The following PLCZ1 variants were observed in gnomAD, a reference collection of about 807,000 sequenced individuals.
The protein encoded by PLCZ1 is phospholipase C zeta 1.
Under a neutral mutation model 76.8 loss-of-function variants are expected in PLCZ1, and 64 were observed. That is an observed-to-expected ratio of 0.83 (90% CI 0.68 to 1.03). The LOEUF is 1.03. Ranked by LOEUF, PLCZ1 falls within the 50% of genes least tolerant of loss-of-function variation. PLCZ1 has a pLI of 0.00. For synonymous variants in PLCZ1, 248 were observed against 230.8 expected (o/e 1.07, Z -0.68); for missense variants, 751 against 713.7 (o/e 1.05, Z -0.60).
chr12:18,650,706 A>ATC, the PLCZ1 span, among the ~76,000 whole-genome samples: 6 of 8,360 alleles, frequency 7.2e-4, no homozygotes, highest in African/African-American at 2.4e-3. Flanking sequence ...GTGTGTGTGT[A>ATC]TATATCTATA....
chr12:18,651,793 C>T, the PLCZ1 span, among the ~76,000 whole-genome samples: 3 of 152,118 alleles, frequency 2.0e-5, no homozygotes, highest in African/African-American at 4.8e-5. Flanking sequence ...ATATGAATGT[C>T]GCTGGAATGT....
intron 7 of PLCZ1, among the ~76,000 whole-genome samples, chr12:18,704,621 C>G (rs78374173): frequency 0.01 from 1,537 of 151,908 alleles, 26 homozygotes; most frequent in African/African-American, 0.035. Flanking sequence ...GTCACTGCAC[C>G]GGGCCATAGA....
At chr12:18,704,962 T>A (rs191774291) in intron 7 of PLCZ1, among the ~76,000 whole-genome samples, 1 of 152,142 alleles carries the variant, frequency 6.6e-6, no homozygotes. Context: ...GTTGTATGTA[T>A]ATATATATAA....
chr12:18,735,680 T>C (rs1959204664), intron 3 of PLCZ1: 1 of 152,776 alleles, frequency 6.5e-6, no homozygotes, highest in Admixed American at 6.5e-5. Context: ...TCTATGTGTT[T>C]TTCATTTTTG....
intron 13 of PLCZ1, among the ~76,000 whole-genome samples, chr12:18,686,652 T>G (rs1020579859): frequency 8.5e-5 from 13 of 152,214 alleles, no homozygotes; most frequent in Admixed American, 3.3e-4. Context: ...AAGTGCCCCC[T>G]TGGAGTACAA....
At chr12:18,679,550 T>C (rs1399704710), downstream of PLCZ1, among the ~76,000 whole-genome samples, 1 of 152,000 alleles carries the variant, frequency 6.6e-6, no homozygotes, top group Non-Finnish European at 1.5e-5. Flanking sequence ...CTGTAAACCA[T>C]AGGCAATGTT....
intron 10 of PLCZ1, among the ~76,000 whole-genome samples, chr12:18,698,629 CA>C (rs1955456067): frequency 6.6e-6 from 1 of 152,018 alleles, no homozygotes; most frequent in African/African-American, 2.4e-5. Flanking sequence ...TGGTAGATTG[CA>C]TTTTTTTAAC....
intron 3 of PLCZ1, among the ~76,000 whole-genome samples, chr12:18,724,054 G>T (rs1459039280): frequency 6.6e-6 from 1 of 152,060 alleles, no homozygotes; most frequent in Non-Finnish European, 1.5e-5. Flanking sequence ...AGAAAGAGTG[G>T]ATTCGAAAGG....
rs71440372 is a variant in PLCZ1 at position 18,696,322 on chromosome 12, CTATA to C, written c.1175-60_1175-57del. ...GAATTCAAATAAATTTAAAAAGCCACTATATATATATATATATATATATATATAT... is the reference window on the plus strand; with the variant it reads ...GAATTCAAATAAATTTAAAAAGCCACTATATATATATATATATATATATAT... On this transcript the variant is annotated intron_variant, in intron 10 of 14. Coordinates refer to ENST00000266505, the MANE Select transcript of PLCZ1 (RefSeq NM_033123.4). 310 of 266,900 alleles carry C rather than the reference CTATA, an allele frequency of 1.2e-3. 3 individuals are homozygous for C. The highest frequency in any genetic ancestry group is 3.7e-3 in the East Asian group (36 of 9,622). The allele number at this position is 266,900 out of a possible 1,614,324, so 16.5% of individuals were successfully genotyped here.
the PLCZ1 span, among the ~76,000 whole-genome samples, chr12:18,658,313 A>C: frequency 6.6e-6 from 1 of 152,236 alleles, no homozygotes; most frequent in Non-Finnish European, 1.5e-5. Context: ...ACATCAATTC[A>C]CTTGATGAAT....
chr12:18,698,356 C>A (rs1037818892), intron 10 of PLCZ1, among the ~76,000 whole-genome samples: 2 of 151,732 alleles, frequency 1.3e-5, no homozygotes, highest in Admixed American at 1.3e-4. Context: ...TATTATTTAA[C>A]TGTAGTCCAG....
At chr12:18,650,702 GTGTATATATCTATATATATATATATA>G in the PLCZ1 span, among the ~76,000 whole-genome samples, 3 of 27,694 alleles carry the variant, frequency 1.1e-4, no homozygotes, top group African/African-American at 2.0e-4. Flanking sequence ...GTGTGTGTGT[GTGTATATATCTATATATATATATATA>G]TATATATATA....
chr12:18,732,777 A>G (rs977562638), intron 3 of PLCZ1, among the ~76,000 whole-genome samples: 4 of 152,180 alleles, frequency 2.6e-5, no homozygotes, highest in Non-Finnish European at 4.4e-5. Flanking sequence ...AGTTTTACCC[A>G]TGTTGTCACA....
intron 6 of PLCZ1, among the ~76,000 whole-genome samples, chr12:18,705,887 A>G (rs1956539809): frequency 1.3e-5 from 2 of 151,296 alleles, no homozygotes; most frequent in Middle Eastern, 3.4e-3. Flanking sequence ...TAATAATAAT[A>G]AATAAATTAT....
the PLCZ1 span, among the ~76,000 whole-genome samples, chr12:18,664,533 A>G: frequency 7.9e-5 from 12 of 152,290 alleles, no homozygotes; most frequent in South Asian, 2.3e-3. Flanking sequence ...AAGATAAAGT[A>G]TGATTCTATT....
the PLCZ1 span, among the ~76,000 whole-genome samples, chr12:18,656,938 A>G: frequency 0.84 from 127,403 of 151,868 alleles, 53,546 homozygotes; most frequent in African/African-American, 0.87. Context: ...CTCCCAGCTC[A>G]ACTTTTTAAG....
At chr12:18,653,549 G>A in the PLCZ1 span, among the ~76,000 whole-genome samples, 151,558 of 152,226 alleles carry the variant, frequency 1, 75,448 homozygotes, top group East Asian at 1. Context: ...ATACCTGACT[G>A]TTACCTAAAC....
At chr12:18,694,670 G>C (rs1954683850) in intron 12 of PLCZ1, among the ~76,000 whole-genome samples, 1 of 152,080 alleles carries the variant, frequency 6.6e-6, no homozygotes, top group Non-Finnish European at 1.5e-5. Context: ...ACTTTGAGAG[G>C]AGAAGGTTTT....
Position 18,701,735 on chromosome 12 carries a change from T to A in PLCZ1, c.906A>T (p.Gly302=), listed in dbSNP as rs1955958699. ...FKILVKNKKI[G]TLKETHERKG... is the part of the protein sequence containing the mutation. ...TTCTTTCATGGGTTTCCTTTAAGGT[T>A]CCTATTTTCTTATTTTTAACTAATA... Residue 302 remains glycine (G), a synonymous_variant, in exon 8 of 15, where the codon GGA becomes GGT. Transcript: ENST00000266505. The A allele has an allele frequency of 1.2e-6, 2 of 1,612,128 alleles. No individual in the cohort carries two copies. Among genetic ancestry groups the A allele is most frequent in the Admixed American group, 3.3e-5 (2 of 59,912 alleles).
Sources: allele counts gnomAD v4.1 joint callset (sites outside exome capture counted in the v4.1 genomes callset), GRCh38; gene constraint gnomAD v4.1.1; transcripts MANE v1.5; gene names NCBI Gene and HGNC (gene_info 2026-07-23, HGNC 2026-07-21).